Variants in CCDC175 observed in about 807,000 individuals in gnomAD.
CCDC175 encodes the protein coiled-coil domain-containing protein 175.
CCDC175 carries 100 observed loss-of-function variants against 114.6 expected under a neutral mutation model. The observed-to-expected ratio is 0.87, with a 90% CI of 0.74 to 1.03. The LOEUF (loss-of-function observed/expected upper bound fraction) is 1.03, where lower values mean the gene tolerates loss of function less well. Among genes scored for constraint, CCDC175 ranks in the 50% least tolerant of loss-of-function variants. The probability of loss-of-function intolerance (pLI) is 0.00; values close to 1 mark genes in which losing one functional copy is unlikely to be tolerated. For synonymous variants in CCDC175, 306 were observed against 308.7 expected, an observed-to-expected ratio of 0.99 and a Z score of 0.09; for missense variants, 880 against 917.8, an observed-to-expected ratio of 0.96 and a Z score of 0.53.
At position 59,513,917 on chromosome 14, in the gene CCDC175, A is replaced by C. The variant is rs1892899792; in HGVS notation, c.2099-2114T>G. Among the ~76,000 whole-genome samples the C allele has an allele frequency of 1.3e-5, 2 of 152,162 alleles. 1 individual carries two copies. The highest frequency in any genetic ancestry group is 4.1e-4 in the South Asian group (2 of 4,824). ...GTAGCGTAACTGGGAGGCACCTCCTAGTAGGGGCAGACTGACACCTCACAT... is the reference window on the plus strand; with the variant it reads ...GTAGCGTAACTGGGAGGCACCTCCTCGTAGGGGCAGACTGACACCTCACAT... On this transcript the variant is annotated intron_variant, in intron 17 of 19. Coordinates refer to ENST00000537690, the MANE Select transcript of CCDC175 (RefSeq NM_001164399.2).
In CCDC175 at chr14:59,551,335, C is replaced by A; in HGVS notation, c.1035+20G>T. ...TGAAATGTAATTATAATGTAAAAGT[C>A]ATGACTTCTGCCTTCTTACCTGTTT... is the stretch of plus-strand genomic sequence containing the variant. On this transcript the variant is annotated intron_variant, in intron 8 of 19. Coordinates refer to ENST00000537690, the MANE Select transcript of CCDC175 (RefSeq NM_001164399.2). The A allele has an allele frequency of 1.8e-6, 2 of 1,113,378 alleles. No individual in the cohort carries two copies. The highest frequency in any genetic ancestry group is 3.4e-5 in the South Asian group (2 of 58,664). 69.0% of individuals were successfully genotyped at this position (1,113,378 alleles called of 1,614,324 possible).
In CCDC175 at chr14:59,561,655, T is replaced by C. The variant is rs1896232352; in HGVS notation, c.844-427A>G. 3.9e-5 allele frequency among the ~76,000 whole-genome samples: 6 copies of C among 152,300 alleles called. No homozygotes were observed. The South Asian group carries it at 1.2e-3, about 32-fold the overall frequency. ...TCTCCCTTGATATCTATGTTTGTGCTGAAAAGAATTTTTATTTCTTAATAT... is the reference window on the plus strand; with the variant it reads ...TCTCCCTTGATATCTATGTTTGTGCCGAAAAGAATTTTTATTTCTTAATAT... On this transcript the variant is annotated intron_variant, in intron 6 of 19. Coordinates refer to ENST00000537690, the MANE Select transcript of CCDC175 (RefSeq NM_001164399.2).
At chr14:59,522,352 A>T (rs1368817568) in intron 16 of CCDC175, among the ~76,000 whole-genome samples, 8 of 152,188 alleles carry the variant, frequency 5.3e-5, no homozygotes, top group African/African-American at 1.7e-4. Context: ...TAGACATGGG[A>T]CTGTTACGTA....
At chr14:59,549,920 T>C (rs763413343) in intron 8 of CCDC175, among the ~76,000 whole-genome samples, 2 of 151,680 alleles carry the variant, frequency 1.3e-5, no homozygotes, top group Admixed American at 6.6e-5. Context: ...ATACTGTTGT[T>C]TCTCTTTTTT....
chr14:59,508,249 A>G (rs1320933234), intron 19 of CCDC175, among the ~76,000 whole-genome samples: 1 of 151,872 alleles, frequency 6.6e-6, no homozygotes, highest in East Asian at 1.9e-4. Flanking sequence ...TTTGTCTTTT[A>G]TTCCCGCGTT....
At chr14:59,515,474 C>T (rs572080944) in intron 17 of CCDC175, among the ~76,000 whole-genome samples, 18 of 152,288 alleles carry the variant, frequency 1.2e-4, no homozygotes, top group Admixed American at 7.8e-4. Context: ...GGAGGAAGAT[C>T]TACCAAACAA....
intron 18 of CCDC175, 74 bp from the exon 19 acceptor site, chr14:59,510,882 C>A (rs1280149624): frequency 1.5e-6 from 2 of 1,313,542 alleles, no homozygotes; most frequent in African/African-American, 1.9e-5. Context: ...CTAAGTGGAT[C>A]ATGTCCAAAA....
chr14:59,551,110 A>T (rs1345459797), intron 8 of CCDC175: 1 of 306,090 alleles, frequency 3.3e-6, no homozygotes, highest in Non-Finnish European at 5.9e-6. Flanking sequence ...GATAGTCCTA[A>T]GGTACCCATA....
chr14:59,565,825 T>A (rs1369631319), intron 4 of CCDC175, among the ~76,000 whole-genome samples: 1 of 152,178 alleles, frequency 6.6e-6, no homozygotes, highest in African/African-American at 2.4e-5. Context: ...CGTCCCCAGA[T>A]GCCAGGTAGT....
chr14:59,551,498 G>A (rs113097743), intron 7 of CCDC175, 62 bp from the exon 8 acceptor site: 39,560 of 826,242 alleles, frequency 0.048, 1,130 homozygotes, highest in Non-Finnish European at 0.057. Context: ...CTAAGGCAAG[G>A]TGGCCAAATA....
intron 13 of CCDC175, among the ~76,000 whole-genome samples, chr14:59,532,953 T>A (rs760490660): frequency 6.3e-4 from 96 of 152,240 alleles, no homozygotes; most frequent in Non-Finnish European, 9.6e-4. Flanking sequence ...GTTTTGGTTT[T>A]CATTTTTATC....
intron 14 of CCDC175, among the ~76,000 whole-genome samples, chr14:59,529,983 C>A (rs1057289393): frequency 1.1e-4 from 17 of 152,132 alleles, no homozygotes; most frequent in Non-Finnish European, 1.9e-4. Flanking sequence ...AGATTTAGTA[C>A]TTGCAATGTT....
chr14:59,516,856 G>T (rs548007575), intron 17 of CCDC175, among the ~76,000 whole-genome samples: 1 of 152,038 alleles, frequency 6.6e-6, no homozygotes, highest in East Asian at 1.9e-4. Flanking sequence ...GCCTAGCAGA[G>T]ACACAACAAA....
At position 59,563,171 on chromosome 14, in the gene CCDC175, T is replaced by A. The variant is rs371738329; in HGVS notation, c.843+566A>T. ...AATTATAGTCACCTCCATAAGCTTA[T>A]GTTTTCTTATCTTTAAAATAAAGAT... is the stretch of plus-strand genomic sequence containing the variant. On this transcript the variant is annotated intron_variant, in intron 6 of 19. Coordinates refer to ENST00000537690, the MANE Select transcript of CCDC175 (RefSeq NM_001164399.2). 6.6e-5 allele frequency among the ~76,000 whole-genome samples: 10 copies of A among 152,326 alleles called. No homozygotes were observed. The East Asian group carries it at 1.7e-3, about 26-fold the overall frequency.
At position 59,510,767 on chromosome 14, in the gene CCDC175, GT is replaced by G; in HGVS notation, c.2183del (p.Asn728ThrfsTer3). ...DNGEETLQDI[N>X]NLTDKLRERD... is the part of the protein sequence containing the mutation. ...TTTCACGCAGCTTGTCTGTTAGATT[GT>G]TTATGTCTTGCAAGGTCTCTTCACC... On this transcript the variant is annotated frameshift_variant, in exon 19 of 20. Transcript: ENST00000537690. LOFTEE classifies it high-confidence loss of function. The G allele has an allele frequency of 1.3e-6, 2 of 1,537,288 alleles. No individual in the cohort carries two copies. Among genetic ancestry groups the G allele is most frequent in the Non-Finnish European group, 1.7e-6 (2 of 1,146,880 alleles).
intron 15 of CCDC175, among the ~76,000 whole-genome samples, chr14:59,526,845 C>T (rs1184694602): frequency 2.0e-5 from 3 of 152,186 alleles, no homozygotes. Flanking sequence ...CTCTCTCCCT[C>T]TTTCTCTGTA....
At chr14:59,562,448 A>C (rs550970212) in intron 6 of CCDC175, among the ~76,000 whole-genome samples, 6 of 152,326 alleles carry the variant, frequency 3.9e-5, no homozygotes, top group African/African-American at 1.2e-4. Context: ...CTTTACAAAA[A>C]TGCTCTGCAG....
chr14:59,510,643 T>C lies in CCDC175; in HGVS notation c.2305+3A>G. ...GTTACCAAAGCTCTAAGCTGTTGCTTACTAAGAAGGTCCATTGGTGATTCC... is the reference window on the plus strand; with the variant it reads ...GTTACCAAAGCTCTAAGCTGTTGCTCACTAAGAAGGTCCATTGGTGATTCC... On this transcript the variant is annotated splice_donor_region_variant and intron_variant, in intron 19 of 19. Transcript: ENST00000537690. 5 of 1,537,128 alleles carry C rather than the reference T, an allele frequency of 3.3e-6. No individual in the cohort carries two copies. The highest frequency in any genetic ancestry group is 4.4e-6 in the Non-Finnish European group (5 of 1,146,824).
chr14:59,545,346 C>A, intron 8 of CCDC175, 47 bp from the exon 9 acceptor site: 2 of 1,518,326 alleles, frequency 1.3e-6, no homozygotes, highest in South Asian at 1.2e-5. Flanking sequence ...CTTCACTGCT[C>A]CTCTGAGGCC....
Sources: gnomAD v4.1 joint callset for allele counts (sites outside exome capture counted in the v4.1 genomes callset) on GRCh38, gnomAD v4.1.1 for gene constraint, MANE v1.5 for transcripts, NCBI Gene and HGNC (gene_info 2026-07-23, HGNC 2026-07-21) for gene names.